ZNRF2: variants seen among roughly 807,000 people sequenced by gnomAD.
ZNRF2 encodes zinc and ring finger 2.
Under a neutral mutation model 20.4 loss-of-function variants are expected in ZNRF2, and 16 were observed. That is an observed-to-expected ratio of 0.79 (90% CI 0.53 to 1.19). The LOEUF (loss-of-function observed/expected upper bound fraction) is 1.19, where lower values mean the gene tolerates loss of function less well. Among genes scored for constraint, ZNRF2 ranks in the 50% most tolerant of loss-of-function variants. ZNRF2 has a pLI of 0.00. For synonymous variants in ZNRF2, 178 were observed against 144.9 expected, an observed-to-expected ratio of 1.23 and a Z score of -1.64; for missense variants, 363 against 332.4, an observed-to-expected ratio of 1.09 and a Z score of -0.72.
At chr7:30,298,364 G>A (rs1459174153) in intron 1 of ZNRF2, among the ~76,000 whole-genome samples, 1 of 152,084 alleles carries the variant, frequency 6.6e-6, no homozygotes, top group Non-Finnish European at 1.5e-5. Context: ...TAAATGTTTG[G>A]TGATCTTTGG....
At chr7:30,343,725 C>T (rs1799833640) in intron 2 of ZNRF2, among the ~76,000 whole-genome samples, 1 of 148,188 alleles carries the variant, frequency 6.7e-6, no homozygotes, top group African/African-American at 2.5e-5. Flanking sequence ...TTTTTTGTTT[C>T]TTATATGCTT....
At position 30,323,746 on chromosome 7, in the gene ZNRF2, A is replaced by C. The variant is rs748150412; in HGVS notation, c.565+9A>C. ...ACGAATAACCTATAATGGTAAGTCC[A>C]ATGGTTTAAAATAATATTTTAAGTT... is the stretch of plus-strand genomic sequence containing the variant. On this transcript the variant is annotated intron_variant, in intron 2 of 4. Coordinates refer to ENST00000323037, the MANE Select transcript of ZNRF2 (RefSeq NM_147128.4). 1.4e-6 allele frequency: 2 copies of C among 1,433,660 alleles called. No individual in the cohort carries two copies. The highest frequency in any genetic ancestry group is 1.9e-6 in the Non-Finnish European group (2 of 1,063,978). The allele number at this position is 1,433,660 out of a possible 1,614,324, so 88.8% of individuals were successfully genotyped here. A position where few individuals can be genotyped will look rare whatever the true frequency, so the allele number is the denominator to read the frequency against.
At chr7:30,344,064 C>T (rs973873646) in intron 2 of ZNRF2, among the ~76,000 whole-genome samples, 1 of 151,518 alleles carries the variant, frequency 6.6e-6, no homozygotes, top group Non-Finnish European at 1.5e-5. Context: ...GGATTACAGG[C>T]GCCTGCCATC....
chr7:30,286,054 C>G (rs1798783435), intron 1 of ZNRF2, among the ~76,000 whole-genome samples: 1 of 152,236 alleles, frequency 6.6e-6, no homozygotes, highest in East Asian at 1.9e-4. Context: ...TCCTGAGCAC[C>G]CTCACCTCAG....
At chr7:30,365,565 G>T (rs981085946) in intron 4 of ZNRF2, among the ~76,000 whole-genome samples, 3 of 152,096 alleles carry the variant, frequency 2.0e-5, no homozygotes, top group African/African-American at 7.2e-5. Flanking sequence ...TATTTATCAA[G>T]TGATAAATTC....
At chr7:30,301,917 A>G (rs796158784) in intron 1 of ZNRF2, among the ~76,000 whole-genome samples, 3 of 152,296 alleles carry the variant, frequency 2.0e-5, no homozygotes, top group African/African-American at 7.2e-5. Flanking sequence ...CTGCTTGTTC[A>G]GGGAAGGAGG....
Position 30,366,611 on chromosome 7 carries a change from G to T in ZNRF2, c.*599G>T, listed in dbSNP as rs1405116487. On this transcript the variant is annotated 3_prime_UTR_variant, in exon 5 of 5. Transcript: ENST00000323037. ...AGTTCTTCCATTTTCTCCCCCACGA[G>T]TGGAAAATAGACTTCTACATAGGAA... The T allele has an allele frequency of 6.6e-6, 1 of 152,426 alleles. No individual in the cohort carries two copies. The highest frequency in any genetic ancestry group is 2.4e-5 in the African/African-American group (1 of 41,410). 9.4% of individuals were successfully genotyped at this position (152,426 alleles called of 1,614,324 possible). A position where few individuals can be genotyped will look rare whatever the true frequency, so the allele number is the denominator to read the frequency against.
chr7:30,344,114 G>A (rs1583591508), intron 2 of ZNRF2, among the ~76,000 whole-genome samples: 1 of 151,646 alleles, frequency 6.6e-6, no homozygotes, highest in East Asian at 1.9e-4. Flanking sequence ...TAGAGACGGG[G>A]TTTCAGCATG....
chr7:30,344,571 C>T (rs764605987), intron 2 of ZNRF2, among the ~76,000 whole-genome samples: 4 of 151,980 alleles, frequency 2.6e-5, no homozygotes, highest in Non-Finnish European at 5.9e-5. Flanking sequence ...TCATCTTCCC[C>T]CCATCCATCC....
chr7:30,352,432 CTTTTCT>C (rs1799974080), intron 2 of ZNRF2, among the ~76,000 whole-genome samples: 1 of 152,018 alleles, frequency 6.6e-6, no homozygotes, highest in Non-Finnish European at 1.5e-5. Context: ...AGTCTTTTAA[CTTTTCT>C]TTTCCTGTAA....
At chr7:30,338,713 G>T (rs988459586) in intron 2 of ZNRF2, among the ~76,000 whole-genome samples, 1 of 151,986 alleles carries the variant, frequency 6.6e-6, no homozygotes, top group African/African-American at 2.4e-5. Context: ...CTTTGCTATT[G>T]TGAACAGTGC....
At position 30,287,291 on chromosome 7, in the gene ZNRF2, G is replaced by A. The variant is rs552619687; in HGVS notation, c.469+1465G>A. ...TTCTGAGAATTGGTGATTAGTGCGA[G>A]AATGAAGGGCAAACTGGTTTTTAAT... On this transcript the variant is annotated intron_variant, in intron 1 of 4. Transcript: ENST00000323037. Among the ~76,000 whole-genome samples the A allele has an allele frequency of 7.2e-5, 11 of 152,312 alleles. 1 individual carries two copies. Among genetic ancestry groups the A allele is most frequent in the Middle Eastern group, 3.4e-3 (1 of 294 alleles).
intron 2 of ZNRF2, among the ~76,000 whole-genome samples, chr7:30,340,017 T>C (rs1267550257): frequency 1.3e-5 from 2 of 152,166 alleles, no homozygotes; most frequent in Non-Finnish European, 1.5e-5. Flanking sequence ...ATTCTCTTTG[T>C]AGCAATTCTG....
intron 2 of ZNRF2, among the ~76,000 whole-genome samples, chr7:30,340,706 T>G (rs1209206951): frequency 1.3e-5 from 2 of 152,144 alleles, no homozygotes; most frequent in Non-Finnish European, 1.5e-5. Context: ...TTTCTTTTTT[T>G]TTTGTTGTGT....
chr7:30,354,305 A>G (rs1800003312), intron 2 of ZNRF2, among the ~76,000 whole-genome samples: 1 of 152,136 alleles, frequency 6.6e-6, no homozygotes, highest in Admixed American at 6.5e-5. Context: ...AGTTAGCTCA[A>G]ATCACTCCTA....
chr7:30,296,598 C>T lies in ZNRF2; in HGVS notation c.469+10772C>T, dbSNP rs191160119. Among the ~76,000 whole-genome samples the T allele has an allele frequency of 5.3e-5, 8 of 152,318 alleles. No homozygotes were observed. In the East Asian group the frequency reaches 1.4e-3, roughly 26 times the overall value. On this transcript the variant is annotated intron_variant, in intron 1 of 4. Coordinates refer to ENST00000323037, the MANE Select transcript of ZNRF2 (RefSeq NM_147128.4). ...AGCCCTGAAGTCTTGATTTGTAATTCTCCAGATTTCCTGTCTATCATAGCA... is the reference window on the plus strand; with the variant it reads ...AGCCCTGAAGTCTTGATTTGTAATTTTCCAGATTTCCTGTCTATCATAGCA...
chr7:30,360,303 C>A (rs1800106431), intron 3 of ZNRF2, among the ~76,000 whole-genome samples: 1 of 152,176 alleles, frequency 6.6e-6, no homozygotes, highest in Non-Finnish European at 1.5e-5. Context: ...AACTCCTTAT[C>A]TCAAAGAATG....
chr7:30,345,323 T>C (rs1799859740), intron 2 of ZNRF2, among the ~76,000 whole-genome samples: 1 of 152,086 alleles, frequency 6.6e-6, no homozygotes, highest in African/African-American at 2.4e-5. Flanking sequence ...ATTTTTGTAA[T>C]AGCTTTTTTT....
intron 1 of ZNRF2, among the ~76,000 whole-genome samples, chr7:30,296,447 G>T (rs1336548755): frequency 6.6e-6 from 1 of 152,186 alleles, no homozygotes; most frequent in African/African-American, 2.4e-5. Flanking sequence ...CTGCTTCAGG[G>T]CAGAGGCTGA....
Sources: allele counts gnomAD v4.1 joint callset (sites outside exome capture counted in the v4.1 genomes callset), GRCh38; gene constraint gnomAD v4.1.1; transcripts MANE v1.5; gene names NCBI Gene and HGNC (gene_info 2026-07-23, HGNC 2026-07-21).